Variants in ATG7 observed in about 807,000 individuals in gnomAD.
ATG7 encodes autophagy related 7.
Under a neutral mutation model 82.4 loss-of-function variants are expected in ATG7, and 70 were observed. The observed-to-expected ratio is 0.85, with a 90% CI of 0.70 to 1.04. The LOEUF (loss-of-function observed/expected upper bound fraction) is 1.04. Among genes scored for constraint, ATG7 ranks in the 50% least tolerant of loss-of-function variants. The pLI, the probability that ATG7 is intolerant of heterozygous loss-of-function variation, is 0.00. For missense variants in ATG7, 792 were observed against 864.3 expected (o/e 0.92, Z 1.05); for synonymous variants, 287 against 313.0 (o/e 0.92, Z 0.88).
At chr3:11,462,762 G>A (rs951774215) in intron 20 of ATG7, among the ~76,000 whole-genome samples, 21 of 152,258 alleles carry the variant, frequency 1.4e-4, no homozygotes, top group Admixed American at 1.2e-3. Context: ...TTCCCAGCTA[G>A]AAAGGTTTTT....
chr3:11,538,677 TAAAAAAAAAA>T (rs560029572), intron 20 of ATG7, among the ~76,000 whole-genome samples: 1 of 47,640 alleles, frequency 2.1e-5, no homozygotes, highest in Non-Finnish European at 3.3e-5. Context: ...ACTCCGTCTC[TAAAAAAAAAA>T]AAAAAAAAAA....
intron 19 of ATG7, among the ~76,000 whole-genome samples, chr3:11,397,546 C>T (rs544233711): frequency 1.1e-4 from 17 of 152,060 alleles, no homozygotes; most frequent in African/African-American, 3.9e-4. Flanking sequence ...TAGCCTCCAT[C>T]TCCCAGGTTC....
At chr3:11,420,261 TAAG>T (rs2081812230) in intron 19 of ATG7, among the ~76,000 whole-genome samples, 1 of 152,208 alleles carries the variant, frequency 6.6e-6, no homozygotes, top group Non-Finnish European at 1.5e-5. Context: ...CCTAGAGGAT[TAAG>T]TTTTTCCACA....
At position 11,505,060 on chromosome 3, in the gene ATG7, A is replaced by C. The variant is rs141162998; in HGVS notation, c.2080-49751A>C. Among the ~76,000 whole-genome samples the C allele has an allele frequency of 7.1e-3, 1,089 of 152,348 alleles. 7 individuals carry two copies. The highest frequency in any genetic ancestry group is 0.025 in the African/African-American group (1,040 of 41,574). ...CACGTTATTTTAACATACAGAGGTA[A>C]CTAAAAGTATCAGGTAAGTCTCTAC... On this transcript the variant is annotated intron_variant, in intron 20 of 20. Transcript: ENST00000693202.
intron 18 of ATG7, among the ~76,000 whole-genome samples, chr3:11,374,797 G>A (rs554615197): frequency 2.0e-5 from 3 of 150,592 alleles, no homozygotes; most frequent in Non-Finnish European, 4.4e-5. Flanking sequence ...CCAGCTACTC[G>A]GGAGGCTGAG....
At chr3:11,564,988 C>G in the ATG7 span, 2 of 1,523,540 alleles carry the variant, frequency 1.3e-6, no homozygotes, top group Non-Finnish European at 1.8e-6. Context: ...TCCCGGGGGT[C>G]TCTGCGGCAG....
intron 19 of ATG7, among the ~76,000 whole-genome samples, chr3:11,411,827 T>A (rs1162380547): frequency 6.6e-6 from 1 of 152,084 alleles, no homozygotes; most frequent in Non-Finnish European, 1.5e-5. Context: ...CTGTGTTTTC[T>A]TCTAAAAGTT....
intron 19 of ATG7, among the ~76,000 whole-genome samples, chr3:11,405,538 C>T (rs970505981): frequency 6.6e-6 from 1 of 152,164 alleles, no homozygotes; most frequent in African/African-American, 2.4e-5. Flanking sequence ...TGCTATGTGT[C>T]ATCTTGTCAT....
chr3:11,565,085 C>T, the ATG7 span: 1 of 1,358,158 alleles, frequency 7.4e-7, no homozygotes. This position sits in a 1 kb window ranked among gnomAD's most constrained non-coding sequence, Gnocchi z 4.1. Flanking sequence ...TGACTGTGCG[C>T]CAGGCACTCC....
chr3:11,479,375 T>C (rs1396840848), intron 20 of ATG7, among the ~76,000 whole-genome samples: 1 of 152,192 alleles, frequency 6.6e-6, no homozygotes, highest in Non-Finnish European at 1.5e-5. Flanking sequence ...GTATTTTCAT[T>C]TTATAGAGTT....
intron 3 of ATG7, among the ~76,000 whole-genome samples, chr3:11,295,659 T>C (rs1945754194): frequency 1.3e-5 from 2 of 152,250 alleles, no homozygotes; most frequent in African/African-American, 2.4e-5. Context: ...TAGTGTCCAT[T>C]CATCATTACT....
At chr3:11,495,833 C>G (rs540699831) in intron 20 of ATG7, among the ~76,000 whole-genome samples, 1 of 152,332 alleles carries the variant, frequency 6.6e-6, no homozygotes, top group East Asian at 1.9e-4. Context: ...TATTTAACTT[C>G]CCACATTCTC....
chr3:11,378,421 G>T (rs867592467), intron 18 of ATG7, among the ~76,000 whole-genome samples: 2 of 150,762 alleles, frequency 1.3e-5, no homozygotes, highest in Admixed American at 6.6e-5. Context: ...GGTGGCTCAC[G>T]CCCGTAACCC....
chr3:11,524,274 A>G (rs1282041861), intron 20 of ATG7, among the ~76,000 whole-genome samples: 1 of 152,154 alleles, frequency 6.6e-6, no homozygotes, highest in Non-Finnish European at 1.5e-5. Context: ...TCCAGCCACA[A>G]TGGAGAAGCC....
chr3:11,424,270 T>C (rs2082179234), intron 19 of ATG7, among the ~76,000 whole-genome samples: 1 of 152,184 alleles, frequency 6.6e-6, no homozygotes, highest in African/African-American at 2.4e-5. Context: ...TTTTAGTATT[T>C]TTATATTAAT....
At chr3:11,374,686 G>A (rs1018127032) in intron 18 of ATG7, among the ~76,000 whole-genome samples, 5 of 151,950 alleles carry the variant, frequency 3.3e-5, no homozygotes, top group South Asian at 2.1e-4. Context: ...CGGGCAGATC[G>A]TGAGGTCAGG....
At chr3:11,504,400 G>A (rs375040664) in intron 20 of ATG7, among the ~76,000 whole-genome samples, 223 of 152,340 alleles carry the variant, frequency 1.5e-3, no homozygotes, top group African/African-American at 5.0e-3. Flanking sequence ...AACCATTGGA[G>A]GATGAACTCC....
At chr3:11,381,126 C>T (rs1313421734) in intron 19 of ATG7, among the ~76,000 whole-genome samples, 5 of 152,140 alleles carry the variant, frequency 3.3e-5, no homozygotes, top group African/African-American at 1.2e-4. Flanking sequence ...ATCCCAAGTG[C>T]CTATGTTGAG....
intron 20 of ATG7, among the ~76,000 whole-genome samples, chr3:11,486,750 G>T (rs550533141): frequency 6.6e-6 from 1 of 151,568 alleles, no homozygotes; most frequent in African/African-American, 2.4e-5. Context: ...AGTATGAAGG[G>T]TTGTTGAATT....
Sources: gnomAD v4.1 joint callset for allele counts (sites outside exome capture counted in the v4.1 genomes callset) on GRCh38, gnomAD v4.1.1 for gene constraint, Gnocchi (gnomAD v3.1) non-coding constraint, MANE v1.5 for transcripts, NCBI Gene and HGNC (gene_info 2026-07-23, HGNC 2026-07-21) for gene names.